ATF7IP2: variants seen among roughly 807,000 people sequenced by gnomAD.
ATF7IP2 encodes activating transcription factor 7-interacting protein 2.
In ATF7IP2, 42 loss-of-function variants were observed where a neutral mutation model predicts 64.2. The ratio of observed to expected loss-of-function variants is 0.65; its 90% CI spans 0.51 to 0.85. ATF7IP2 has a LOEUF of 0.85. Among genes scored for constraint, ATF7IP2 ranks in the 40% least tolerant of loss-of-function variants. The probability of loss-of-function intolerance (pLI) is 0.00; values close to 1 mark genes in which losing one functional copy is unlikely to be tolerated. For synonymous variants in ATF7IP2, 308 were observed against 272.8 expected (o/e 1.13, Z -1.27); for missense variants, 933 against 784.2 (o/e 1.19, Z -2.27).
intron 1 of ATF7IP2, among the ~76,000 whole-genome samples, chr16:10,388,310 AATAACCATGACT>A (rs2047246247): frequency 6.6e-6 from 1 of 152,242 alleles, no homozygotes; most frequent in Admixed American, 6.5e-5. Context: ...TCTAGAGAGA[AATAACCATGACT>A]TTTTGGAGGA....
intron 9 of ATF7IP2, among the ~76,000 whole-genome samples, chr16:10,458,923 C>G (rs541855421): frequency 3.1e-4 from 47 of 152,194 alleles, no homozygotes; most frequent in Non-Finnish European, 5.7e-4. Context: ...CGGTGGCTCA[C>G]GCCTGTAATC....
At chr16:10,426,790 G>C (rs1221963619) in intron 3 of ATF7IP2, among the ~76,000 whole-genome samples, 1 of 151,980 alleles carries the variant, frequency 6.6e-6, no homozygotes, top group East Asian at 1.9e-4. Context: ...AGCCTAATAA[G>C]ATACCTGTAA....
chr16:10,442,679 G>A (rs1228351162), intron 8 of ATF7IP2, among the ~76,000 whole-genome samples: 1 of 152,126 alleles, frequency 6.6e-6, no homozygotes, highest in Non-Finnish European at 1.5e-5. Context: ...GGGCTGTATT[G>A]TTAGGGATGA....
At chr16:10,404,181 A>G (rs1010287865) in intron 1 of ATF7IP2, among the ~76,000 whole-genome samples, 1 of 152,242 alleles carries the variant, frequency 6.6e-6, no homozygotes, top group African/African-American at 2.4e-5. Context: ...TTTTAAAATC[A>G]GCAAGAGAAA....
intron 5 of ATF7IP2, among the ~76,000 whole-genome samples, chr16:10,433,285 C>G (rs780402934): frequency 5.9e-5 from 9 of 152,174 alleles, no homozygotes; most frequent in Non-Finnish European, 1.2e-4. Context: ...AAGCAATCCT[C>G]TCACCTCAAC....
intron 1 of ATF7IP2, among the ~76,000 whole-genome samples, chr16:10,411,865 G>A (rs1187347148): frequency 6.8e-6 from 1 of 146,686 alleles, no homozygotes; most frequent in East Asian, 2.0e-4. Flanking sequence ...TGTGGTGTCA[G>A]TTGTATTATC....
At chr16:10,451,965 T>G (rs2048999519) in intron 8 of ATF7IP2, among the ~76,000 whole-genome samples, 1 of 151,952 alleles carries the variant, frequency 6.6e-6, no homozygotes, top group Non-Finnish European at 1.5e-5. Flanking sequence ...TGCAGGAGAA[T>G]CGCTTGAACC....
At chr16:10,400,878 C>T (rs926441297) in intron 1 of ATF7IP2, among the ~76,000 whole-genome samples, 58 of 152,056 alleles carry the variant, frequency 3.8e-4, no homozygotes, top group Admixed American at 2.7e-3. Context: ...GACAGGGTTT[C>T]GCCATGTTGT....
chr16:10,406,170 A>G (rs2047635237), intron 1 of ATF7IP2, among the ~76,000 whole-genome samples: 2 of 152,148 alleles, frequency 1.3e-5, no homozygotes, highest in Admixed American at 6.5e-5. Context: ...CAGTGGTGCA[A>G]TCACGGCTCA....
chr16:10,448,595 T>G (rs2048886062), intron 8 of ATF7IP2: 1 of 152,234 alleles, frequency 6.6e-6, no homozygotes, highest in Admixed American at 6.5e-5. Flanking sequence ...TTGTGATTTT[T>G]GCACATTGAT....
At chr16:10,415,748 C>T (rs1048225634) in intron 2 of ATF7IP2, among the ~76,000 whole-genome samples, 13 of 152,108 alleles carry the variant, frequency 8.5e-5, no homozygotes, top group African/African-American at 2.4e-4. Context: ...GAAGCTCATA[C>T]GACTCTGTAG....
intron 1 of ATF7IP2, among the ~76,000 whole-genome samples, chr16:10,391,086 G>C (rs1049940447): frequency 8.6e-5 from 13 of 151,612 alleles, no homozygotes; most frequent in African/African-American, 3.2e-4. Context: ...GAGCCCAAGA[G>C]TTCAAGGTTA....
chr16:10,398,195 T>G (rs2047455756), intron 1 of ATF7IP2, among the ~76,000 whole-genome samples: 2 of 151,848 alleles, frequency 1.3e-5, no homozygotes, highest in South Asian at 4.2e-4. Context: ...TCCCAGCAAC[T>G]CGGGAGGCTG....
rs539511648 is a variant in ATF7IP2 at position 10,464,296 on chromosome 16, GA to G, written c.1352+6773del. ...AAGAAATAAAGGAACCCTTACAAAGGAAAAAAGAAATATATTGTTCCCTGTT... is the reference window on the plus strand; with the variant it reads ...AAGAAATAAAGGAACCCTTACAAAGGAAAAAGAAATATATTGTTCCCTGTT... On this transcript the variant is annotated intron_variant, in intron 9 of 13. Coordinates refer to ENST00000562102, the MANE Select transcript of ATF7IP2 (RefSeq NM_001393719.1). Among the ~76,000 whole-genome samples, 711 of 152,112 alleles carry G rather than the reference GA, an allele frequency of 4.7e-3. 5 individuals carry two copies. Among genetic ancestry groups the G allele is most frequent in the Non-Finnish European group, 7.9e-3 (539 of 67,962 alleles).
intron 9 of ATF7IP2, among the ~76,000 whole-genome samples, chr16:10,465,760 T>A (rs776739849): frequency 6.6e-6 from 1 of 151,122 alleles, no homozygotes; most frequent in Non-Finnish European, 1.5e-5. Context: ...AGAGCTTTCA[T>A]TGGTAGCAGT....
At chr16:10,429,414 G>A (rs1293544980) in intron 4 of ATF7IP2, among the ~76,000 whole-genome samples, 4 of 152,218 alleles carry the variant, frequency 2.6e-5, no homozygotes, top group Non-Finnish European at 4.4e-5. Flanking sequence ...ACAATGGCAC[G>A]ATCTCGGCTC....
intron 8 of ATF7IP2, among the ~76,000 whole-genome samples, chr16:10,443,914 C>T (rs544847482): frequency 3.3e-4 from 50 of 152,200 alleles, no homozygotes; most frequent in African/African-American, 5.3e-4. Context: ...GGCTTTAGGG[C>T]GGCACAGGGA....
At chr16:10,395,194 A>G (rs1198265277) in intron 1 of ATF7IP2, among the ~76,000 whole-genome samples, 1 of 152,142 alleles carries the variant, frequency 6.6e-6, no homozygotes, top group Non-Finnish European at 1.5e-5. Context: ...CTATAGAATA[A>G]TTCCAATTGT....
At position 10,483,323 on chromosome 16, in the gene ATF7IP2, C is replaced by T. The variant is rs186765027; in HGVS notation, c.*1074C>T. On this transcript the variant is annotated 3_prime_UTR_variant, in exon 14 of 14. Coordinates refer to ENST00000562102, the MANE Select transcript of ATF7IP2 (RefSeq NM_001393719.1). ...CTAAATGCTACCCTTTGATCATTTC[C>T]TGGCCACCATCACAATACTAAGGGG... 6.6e-6 allele frequency: 1 copy of T among 152,246 alleles called. No homozygotes were observed. 9.4% of individuals were successfully genotyped at this position (152,246 alleles called of 1,614,324 possible). A position where few individuals can be genotyped will look rare whatever the true frequency, so the allele number is the denominator to read the frequency against.
Sources: allele counts gnomAD v4.1 joint callset (sites outside exome capture counted in the v4.1 genomes callset), GRCh38; gene constraint gnomAD v4.1.1; transcripts MANE v1.5; gene names NCBI Gene and HGNC (gene_info 2026-07-23, HGNC 2026-07-21).